Variants in TBL1XR1 observed in about 807,000 individuals in gnomAD.
TBL1XR1 encodes TBL1X/Y related 1.
In TBL1XR1, 5 loss-of-function variants were observed where a neutral mutation model predicts 66.9. The ratio of observed to expected loss-of-function variants is 0.07; its 90% CI spans 0.04 to 0.16. The LOEUF is 0.16. Among genes scored for constraint, TBL1XR1 ranks in the 10% least tolerant of loss-of-function variants. The probability of loss-of-function intolerance (pLI) is 1.00; values close to 1 mark genes in which losing one functional copy is unlikely to be tolerated. For missense variants in TBL1XR1, 238 were observed against 623.2 expected (o/e 0.38, Z 6.58); for synonymous variants, 210 against 206.0 (o/e 1.02, Z -0.17).
At chr3:177,173,976 G>A (rs1733858200) in intron 1 of TBL1XR1, among the ~76,000 whole-genome samples, 1 of 152,118 alleles carries the variant, frequency 6.6e-6, no homozygotes, top group African/African-American at 2.4e-5. Flanking sequence ...CTTTAGAAGT[G>A]TTGTCAAAAT....
At chr3:177,133,689 G>A (rs1728570925) in intron 1 of TBL1XR1, among the ~76,000 whole-genome samples, 1 of 151,886 alleles carries the variant, frequency 6.6e-6, no homozygotes, top group African/African-American at 2.4e-5. Flanking sequence ...ATCATTTGAG[G>A]TCAGGAGTTC....
chr3:177,051,955 T>C (rs535222171), intron 4 of TBL1XR1, among the ~76,000 whole-genome samples: 2 of 152,272 alleles, frequency 1.3e-5, no homozygotes, highest in Admixed American at 1.3e-4. Context: ...TATTACAGTA[T>C]AGAGCTGTAC....
chr3:177,071,680 C>A (rs1279760667), intron 2 of TBL1XR1, among the ~76,000 whole-genome samples: 1 of 152,148 alleles, frequency 6.6e-6, no homozygotes, highest in Non-Finnish European at 1.5e-5. Flanking sequence ...GAAGACGATG[C>A]AAACTAAATT....
At chr3:177,115,267 A>G (rs963852054) in intron 1 of TBL1XR1, among the ~76,000 whole-genome samples, 1 of 152,202 alleles carries the variant, frequency 6.6e-6, no homozygotes, top group Non-Finnish European at 1.5e-5. Context: ...TAACTGTTAA[A>G]AAAACTGATG....
At chr3:177,141,339 A>G (rs557173793) in intron 1 of TBL1XR1, among the ~76,000 whole-genome samples, 2 of 152,360 alleles carry the variant, frequency 1.3e-5, no homozygotes, top group East Asian at 1.9e-4. Context: ...ATGGTAAGTC[A>G]GAATACCAGG....
At chr3:177,082,738 T>TTATA (rs374510003) in intron 2 of TBL1XR1, among the ~76,000 whole-genome samples, 2,289 of 63,234 alleles carry the variant, frequency 0.036, 222 homozygotes, top group African/African-American at 0.099. Context: ...AAGATAGAGA[T>TTATA]TATATATATA....
At chr3:177,063,837 C>A (rs1718813275) in intron 3 of TBL1XR1, among the ~76,000 whole-genome samples, 1 of 152,162 alleles carries the variant, frequency 6.6e-6, no homozygotes, top group Admixed American at 6.5e-5. Flanking sequence ...ACAGCTGTTA[C>A]ACCTCAGAGA....
intron 1 of TBL1XR1, among the ~76,000 whole-genome samples, chr3:177,149,114 A>G (rs1252794500): frequency 6.6e-6 from 1 of 152,218 alleles, no homozygotes; most frequent in African/African-American, 2.4e-5. Context: ...GACGGCAGAC[A>G]TATTTGGCTT....
At chr3:177,056,557 CA>C (rs1236285783) in intron 3 of TBL1XR1, among the ~76,000 whole-genome samples, 2 of 152,174 alleles carry the variant, frequency 1.3e-5, no homozygotes, top group Admixed American at 6.5e-5. Context: ...AGAGAAGTTC[CA>C]AACTTAAATG....
chr3:177,177,203 G>A (rs1465269147), intron 1 of TBL1XR1, among the ~76,000 whole-genome samples: 9 of 152,140 alleles, frequency 5.9e-5, no homozygotes, highest in Non-Finnish European at 7.3e-5. Flanking sequence ...TCTGACCCAT[G>A]CACTTTGGGA....
Position 177,019,412 on chromosome 3 carries a change from G to T in TBL1XR1, c.*6086C>A, listed in dbSNP as rs1416411586. 2 of 151,526 alleles carry T rather than the reference G, an allele frequency of 1.3e-5. No individual in the cohort carries two copies. Among genetic ancestry groups the T allele is most frequent in the Non-Finnish European group, 3.0e-5 (2 of 67,710 alleles). The allele number at this position is 151,526 out of a possible 1,614,324, so 9.4% of individuals were successfully genotyped here. A position where few individuals can be genotyped will look rare whatever the true frequency, so the allele number is the denominator to read the frequency against. On this transcript the variant is annotated 3_prime_UTR_variant, in exon 16 of 16. Transcript: ENST00000457928. ...TTTTAAATTGTAAAGAAATTACAAGGAACTCCTAAAAAAATTTAATACAAA... is the reference window on the plus strand; with the variant it reads ...TTTTAAATTGTAAAGAAATTACAAGTAACTCCTAAAAAAATTTAATACAAA...
intron 2 of TBL1XR1, among the ~76,000 whole-genome samples, chr3:177,071,401 A>G (rs1289392412): frequency 6.6e-6 from 1 of 152,166 alleles, no homozygotes; most frequent in African/African-American, 2.4e-5. Context: ...CTGTATTAGA[A>G]GAAGATGTGG....
rs577250086 is a variant in TBL1XR1, at chr3:177,152,799, T to C, written c.-122+44322A>G. ...TAATTACCTTATTATTGCTTCTATC[T>C]CCCTTTGCTCTTTTTCCATTTTCCA... On this transcript the variant is annotated intron_variant, in intron 1 of 15. Transcript: ENST00000457928. Among the ~76,000 whole-genome samples, 5 of 152,322 alleles carry C rather than the reference T, an allele frequency of 3.3e-5. No individual in the cohort carries two copies. The East Asian group carries it at 9.6e-4, about 29-fold the overall frequency.
intron 2 of TBL1XR1, among the ~76,000 whole-genome samples, chr3:177,067,999 T>C (rs1375998083): frequency 6.6e-6 from 1 of 152,202 alleles, no homozygotes; most frequent in African/African-American, 2.4e-5. Flanking sequence ...TTAGAACAAC[T>C]GTCTTTAAAC....
intron 1 of TBL1XR1, among the ~76,000 whole-genome samples, chr3:177,146,589 C>CAAAAAAAAAAAAAAAAAA (rs78065426): frequency 0.11 from 5,642 of 51,596 alleles, 1,422 homozygotes; most frequent in Non-Finnish European, 0.16. Flanking sequence ...GACTCCATCT[C>CAAAAAAAAAAAAAAAAAA]AAAAAAAAAA....
chr3:177,130,111 C>T (rs1294053304), intron 1 of TBL1XR1, among the ~76,000 whole-genome samples: 1 of 145,096 alleles, frequency 6.9e-6, no homozygotes, highest in African/African-American at 2.6e-5. Context: ...CGCCACTGCA[C>T]TCCAGCCTGG....
intron 1 of TBL1XR1, among the ~76,000 whole-genome samples, chr3:177,148,894 C>T (rs1308029295): frequency 6.6e-6 from 1 of 151,460 alleles, no homozygotes; most frequent in African/African-American, 2.4e-5. Flanking sequence ...ATCCCAGCTA[C>T]TCGGGAGGCT....
intron 1 of TBL1XR1, chr3:177,195,563 A>C (rs574866762): frequency 6.6e-6 from 1 of 152,152 alleles, no homozygotes; most frequent in African/African-American, 2.4e-5. Context: ...ACAGTCACTC[A>C]TTGTATCTTC....
chr3:177,048,748 T>C (rs1716649850), intron 7 of TBL1XR1, among the ~76,000 whole-genome samples: 1 of 152,238 alleles, frequency 6.6e-6, no homozygotes, highest in Admixed American at 6.5e-5. Context: ...TCGAGGATAA[T>C]GTTTTCCAAG....
Sources: gnomAD v4.1 joint callset for allele counts (sites outside exome capture counted in the v4.1 genomes callset) on GRCh38, gnomAD v4.1.1 for gene constraint, MANE v1.5 for transcripts, NCBI Gene and HGNC (gene_info 2026-07-23, HGNC 2026-07-21) for gene names.